CLOCK: variants seen among roughly 807,000 people sequenced by gnomAD.
The protein encoded by CLOCK is circadian locomoter output cycles protein kaput.
In CLOCK, 43 loss-of-function variants were observed where a neutral mutation model predicts 118.4. The observed-to-expected ratio is 0.36, with a 90% CI of 0.28 to 0.47. The LOEUF (loss-of-function observed/expected upper bound fraction) is 0.47. Ranked by LOEUF, CLOCK falls within the 20% of genes least tolerant of loss-of-function variation. The probability of loss-of-function intolerance (pLI) is 1.00; values close to 1 mark genes in which losing one functional copy is unlikely to be tolerated. For missense variants in CLOCK, 846 were observed against 999.9 expected, an observed-to-expected ratio of 0.85 and a Z score of 2.08; for synonymous variants, 326 against 339.2, an observed-to-expected ratio of 0.96 and a Z score of 0.43.
At chr4:55,528,346 CA>C (rs57587198) in intron 1 of CLOCK, among the ~76,000 whole-genome samples, 108 of 139,352 alleles carry the variant, frequency 7.8e-4, no homozygotes, top group African/African-American at 1.1e-3. Context: ...AACTCCACCT[CA>C]AAAAAAAAAA....
chr4:55,498,991 C>G (rs1352562819), intron 2 of CLOCK, among the ~76,000 whole-genome samples: 1 of 152,152 alleles, frequency 6.6e-6, no homozygotes, highest in African/African-American at 2.4e-5. Flanking sequence ...TGCAGTACAT[C>G]TGTATTTCAT....
chr4:55,446,095 T>TAAC (rs1055378784), intron 18 of CLOCK, among the ~76,000 whole-genome samples: 3 of 137,114 alleles, frequency 2.2e-5, no homozygotes, highest in South Asian at 2.5e-4. Context: ...GAAAAAAATT[T>TAAC]AACTTCTTTT....
chr4:55,463,792 T>G lies in CLOCK; in HGVS notation c.452A>C (p.Asp151Ala). ...LLEHLPSDLV[D>A]QSIFNFIPEG... ...TGGGATAAAATTAAATATACTTTGA[T>G]CCACAAGATCAGACTGAAAAGAAAA... The change falls in exon 9 of 23, where the codon GAT becomes GCT. Residue 151 changes from aspartate to alanine, a missense_variant. Around this residue, in one of 4 missense-constraint regions of CLOCK, gnomAD observed 246 missense variants for 300.2 expected, o/e 0.82. Transcript: ENST00000513440. 6.2e-7 allele frequency: 1 copy of G among 1,609,920 alleles called. No homozygotes were observed. Among genetic ancestry groups the G allele is most frequent in the Non-Finnish European group, 8.5e-7 (1 of 1,177,316 alleles).
intron 1 of CLOCK, among the ~76,000 whole-genome samples, chr4:55,520,785 C>T (rs767272985): frequency 6.6e-6 from 1 of 152,078 alleles, no homozygotes; most frequent in Admixed American, 6.6e-5. Flanking sequence ...TCATAAATTC[C>T]TCCTCCCATC....
Position 55,430,252 on chromosome 4 carries a change from A to G in CLOCK, c.*5163T>C, listed in dbSNP as rs1298320949. 1 of 152,166 alleles carries G rather than the reference A, an allele frequency of 6.6e-6. No individual in the cohort carries two copies. The highest frequency in any genetic ancestry group is 2.4e-5 in the African/African-American group (1 of 41,436). The allele number at this position is 152,166 out of a possible 1,614,324, so 9.4% of individuals were successfully genotyped here. ...TGGAATTTCACTTAGTTGTCTCTCC[A>G]TAAACTATATCCTATTCCACTAAAT... On this transcript the variant is annotated 3_prime_UTR_variant, in exon 23 of 23. Coordinates refer to ENST00000513440, the MANE Select transcript of CLOCK (RefSeq NM_004898.4).
chr4:55,540,007 A>ATT (rs57907284), intron 1 of CLOCK, among the ~76,000 whole-genome samples: 2 of 135,992 alleles, frequency 1.5e-5, no homozygotes, highest in Non-Finnish European at 1.6e-5. Context: ...AATGATATTA[A>ATT]TTTTTTTTTT....
intron 4 of CLOCK, among the ~76,000 whole-genome samples, chr4:55,481,280 A>G (rs926485958): frequency 6.6e-6 from 1 of 152,206 alleles, no homozygotes; most frequent in Admixed American, 6.5e-5. Flanking sequence ...GAAATTTATA[A>G]AAAATTGTTA....
chr4:55,481,522 G>C (rs1032422222), intron 4 of CLOCK, among the ~76,000 whole-genome samples: 5 of 152,112 alleles, frequency 3.3e-5, no homozygotes, highest in African/African-American at 1.2e-4. Flanking sequence ...CTGTAACTAT[G>C]GCACAGTTCA....
At chr4:55,503,978 TAAAAAAAAAAAA>T (rs60471915) in intron 2 of CLOCK, among the ~76,000 whole-genome samples, 4 of 71,130 alleles carry the variant, frequency 5.6e-5, no homozygotes, top group Admixed American at 4.5e-4. Context: ...CAAAAAGAGG[TAAAAAAAAAAAA>T]AAAAAAAAAA....
In CLOCK at chr4:55,438,390, C is replaced by T. The variant is rs1239166112; in HGVS notation, c.2253G>A (p.Leu751=). Residue 751 remains leucine (L), a synonymous_variant, in exon 22 of 23, where the codon TTG becomes TTA. Coordinates refer to ENST00000513440, the MANE Select transcript of CLOCK (RefSeq NM_004898.4). The stretch of plus-strand genomic sequence containing the variant: ...GCTGCTGCTGCTGCTGCGTTACTGA[C>T]AATGTCTGTGACTGTTGCTGTTGTG... The part of the protein sequence containing the change: ...FATQQQQSQT[L]SVTQQQQQQS... 1.2e-6 allele frequency: 2 copies of T among 1,613,934 alleles called. No individual in the cohort carries two copies. Among genetic ancestry groups the T allele is most frequent in the South Asian group, 2.2e-5 (2 of 91,086 alleles).
chr4:55,452,790 T>C (rs1010657313), intron 15 of CLOCK: 1 of 276,942 alleles, frequency 3.6e-6, no homozygotes, highest in Admixed American at 4.7e-5. Flanking sequence ...ATAATTCATA[T>C]AAATAACCTA....
chr4:55,507,168 A>G (rs1410925946), intron 2 of CLOCK, among the ~76,000 whole-genome samples: 1 of 152,120 alleles, frequency 6.6e-6, no homozygotes, highest in East Asian at 1.9e-4. Context: ...AAACAAAGTT[A>G]GCTGGGCATG....
At chr4:55,463,226 C>G (rs1725496030) in intron 9 of CLOCK, among the ~76,000 whole-genome samples, 1 of 151,034 alleles carries the variant, frequency 6.6e-6, no homozygotes, top group Non-Finnish European at 1.5e-5. Flanking sequence ...TAACAAATGA[C>G]TGTTTAATTG....
At chr4:55,464,623 G>A (rs1344810275) in intron 8 of CLOCK, among the ~76,000 whole-genome samples, 1 of 152,182 alleles carries the variant, frequency 6.6e-6, no homozygotes, top group African/African-American at 2.4e-5. Flanking sequence ...AAAAGGAGCT[G>A]AGAAGCAGGG....
intron 3 of CLOCK, among the ~76,000 whole-genome samples, chr4:55,485,113 A>G (rs111430701): frequency 0.017 from 2,563 of 151,962 alleles, 73 homozygotes; most frequent in African/African-American, 0.058. Context: ...ACAGGCCCAG[A>G]CCACCACAAG....
Position 55,435,600 on chromosome 4 carries a change from A to C in CLOCK, c.2362-6T>G. The C allele has an allele frequency of 6.2e-7, 1 of 1,613,744 alleles. No individual in the cohort carries two copies. The highest frequency in any genetic ancestry group is 8.5e-7 in the Non-Finnish European group (1 of 1,179,770). ...CCATGGAGCAACCTAGAAGTCTAAA[A>C]AACAAATGGATTATGCAGCATTGCT... On this transcript the variant is annotated splice_region_variant and splice_polypyrimidine_tract_variant and intron_variant, in intron 22 of 22. Coordinates refer to ENST00000513440, the MANE Select transcript of CLOCK (RefSeq NM_004898.4).
intron 21 of CLOCK, among the ~76,000 whole-genome samples, chr4:55,438,771 A>C (rs777479514): frequency 6.6e-6 from 1 of 152,218 alleles, no homozygotes; most frequent in Non-Finnish European, 1.5e-5. Context: ...ACGTCTTTGG[A>C]TATCCACATT....
rs1723560694 is a variant in CLOCK, at chr4:55,443,745, T to C, written c.1844A>G (p.His615Arg). 2 of 1,614,150 alleles carry C rather than the reference T, an allele frequency of 1.2e-6. No individual in the cohort carries two copies. The highest frequency in any genetic ancestry group is 1.7e-6 in the Non-Finnish European group (2 of 1,179,990). ...NQIQSGMNTG[H>R]IGTTQHMIQQ... ...TATCATGTGCTGAGTTGTGCCAATG[T>C]GTCCAGTATTCATTCCACTTTGAAT... Residue 615 changes from histidine to arginine, a missense_variant, in exon 20 of 23, where the codon CAC (histidine) becomes CGC (arginine). Physicochemically the swap from His to Arg is conservative, Grantham distance 29 (BLOSUM62 0). Around this residue, in one of 4 missense-constraint regions of CLOCK, gnomAD observed 520 missense variants for 558.0 expected, o/e 0.93. Coordinates refer to ENST00000513440, the MANE Select transcript of CLOCK (RefSeq NM_004898.4).
At chr4:55,504,492 T>C (rs1487631151) in intron 2 of CLOCK, among the ~76,000 whole-genome samples, 1 of 152,078 alleles carries the variant, frequency 6.6e-6, no homozygotes, top group Non-Finnish European at 1.5e-5. Flanking sequence ...AAGAAACACA[T>C]GTAACAGACC....
Sources: gnomAD v4.1 joint callset for allele counts (sites outside exome capture counted in the v4.1 genomes callset) on GRCh38, gnomAD v4.1.1 for gene constraint, gnomAD v4.1.1 regional missense constraint, MANE v1.5 for transcripts, NCBI Gene and HGNC (gene_info 2026-07-23, HGNC 2026-07-21) for gene names.